The following GTF3C1 variants were observed in gnomAD, a reference collection of about 807,000 sequenced individuals.
The protein encoded by GTF3C1 is general transcription factor 3C polypeptide 1.
A neutral mutation model predicts 226.7 loss-of-function variants in GTF3C1; 57 were observed. The observed-to-expected ratio is 0.25, with a 90% CI of 0.20 to 0.31. GTF3C1 has a LOEUF of 0.31. Among genes scored for constraint, GTF3C1 ranks in the 10% least tolerant of loss-of-function variants. GTF3C1 has a pLI of 1.00. For synonymous variants in GTF3C1, 1,090 were observed against 1,084.8 expected, an observed-to-expected ratio of 1.00 and a Z score of -0.09; for missense variants, 2,217 against 2,776.1, an observed-to-expected ratio of 0.80 and a Z score of 4.53.
chr16:27,488,018 G>C (rs1222633962), intron 23 of GTF3C1, among the ~76,000 whole-genome samples: 1 of 152,132 alleles, frequency 6.6e-6, no homozygotes, highest in Admixed American at 6.5e-5. Context: ...AGAAAGCAGG[G>C]GAAGCATACG....
At chr16:27,530,130 G>A (rs1365001650) in intron 5 of GTF3C1, among the ~76,000 whole-genome samples, 1 of 152,188 alleles carries the variant, frequency 6.6e-6, no homozygotes, top group East Asian at 1.9e-4. Flanking sequence ...TCTGGGGGGA[G>A]AGACAGGGAG....
At chr16:27,486,282 T>C (rs1490394320) in intron 23 of GTF3C1, 128 bp from the exon 24 acceptor site, 3 of 571,420 alleles carry the variant, frequency 5.3e-6, no homozygotes, top group Non-Finnish European at 9.4e-6. Context: ...CAGATACTCA[T>C]TGTATCTAAA....
rs1271758563 is a variant in GTF3C1, at chr16:27,537,866, T to C, written c.670A>G (p.Met224Val). The part of the protein sequence containing the change: ...KILNKNGLIT[M>V]QSHVIRLPTG... ...GGTAATCGGATCACATGGGACTGCATTGTAATCAGCCCGTTTTTGTTCAAA... is the reference window on the plus strand; with the variant it reads ...GGTAATCGGATCACATGGGACTGCACTGTAATCAGCCCGTTTTTGTTCAAA... Residue 224 changes from methionine (M) to valine (V), a missense_variant, in exon 4 of 37, where the codon ATG becomes GTG. By Grantham distance (21) the Met-to-Val change is conservative. Around this residue, in one of 12 missense-constraint regions of GTF3C1, gnomAD observed 163 missense variants for 234.3 expected, o/e 0.70. Coordinates refer to ENST00000356183, the MANE Select transcript of GTF3C1 (RefSeq NM_001520.4). 9 of 1,613,394 alleles carry C rather than the reference T, an allele frequency of 5.6e-6. No individual in the cohort carries two copies. The highest frequency in any genetic ancestry group is 2.2e-5 in the South Asian group (2 of 91,070).
At chr16:27,465,220 C>T in intron 33 of GTF3C1, 40 bp downstream of exon 33, 2 of 1,598,820 alleles carry the variant, frequency 1.3e-6, no homozygotes, top group Non-Finnish European at 1.7e-6. Flanking sequence ...GCTGCAATTT[C>T]CGCTTCGGTG....
chr16:27,477,219 C>T (rs1028245479), intron 28 of GTF3C1, among the ~76,000 whole-genome samples: 1 of 152,198 alleles, frequency 6.6e-6, no homozygotes, highest in African/African-American at 2.4e-5. Flanking sequence ...CTTCCTCTGT[C>T]CCTTCAGACT....
intron 7 of GTF3C1, among the ~76,000 whole-genome samples, chr16:27,509,397 G>A (rs1421605002): frequency 1.3e-5 from 2 of 152,168 alleles, no homozygotes; most frequent in African/African-American, 2.4e-5. Context: ...TGGGCAGGGA[G>A]TCCCAGCAGT....
At position 27,464,340 on chromosome 16, in the gene GTF3C1, T is replaced by C. The variant is rs1338558817; in HGVS notation, c.5852A>G (p.Glu1951Gly). The C allele has an allele frequency of 5.2e-6, 8 of 1,533,988 alleles. 1 individual carries two copies. Among genetic ancestry groups the C allele is most frequent in the Admixed American group, 2.2e-5 (1 of 46,302 alleles). The stretch of plus-strand genomic sequence containing the variant: ...GGTACCTCTGGGGTCTTCAGAGCCC[T>C]CTGGAGGCTGCGCCTGGCCGCTCAG... ...EQLSGQAQPPEGSEDPRGFTE... is the reference protein window; with the variant it reads ...EQLSGQAQPPGGSEDPRGFTE... Residue 1951 changes from glutamate to glycine, a missense_variant, in exon 34 of 37, where the codon GAG (glutamate) becomes GGG (glycine). By Grantham distance (98) the Glu-to-Gly change is moderately conservative. Around this residue, in one of 12 missense-constraint regions of GTF3C1, gnomAD observed 455 missense variants for 441.9 expected, o/e 1.03. Transcript: ENST00000356183.
chr16:27,545,925 T>G (rs2089155604), intron 1 of GTF3C1, among the ~76,000 whole-genome samples: 1 of 152,208 alleles, frequency 6.6e-6, no homozygotes, highest in Non-Finnish European at 1.5e-5. Context: ...CTTGGCTCAC[T>G]GCAACCTCCA....
intron 1 of GTF3C1, among the ~76,000 whole-genome samples, chr16:27,547,390 GC>G (rs2089180195): frequency 6.6e-6 from 1 of 152,118 alleles, no homozygotes; most frequent in Non-Finnish European, 1.5e-5. Flanking sequence ...AGAACCTGAA[GC>G]TAAATGTGTC....
chr16:27,525,493 T>C (rs535307088), intron 6 of GTF3C1, among the ~76,000 whole-genome samples: 19 of 152,372 alleles, frequency 1.2e-4, no homozygotes, highest in African/African-American at 3.8e-4. Context: ...ACCTGTGGTA[T>C]TGTAATTATC....
Position 27,463,466 on chromosome 16 carries a change from C to T in GTF3C1, c.5924+75G>A. ...TACCTGGGGAAAGACCCTCAAAGAC[C>T]CTCACACAAATCCTTACACTCGGTC... On this transcript the variant is annotated intron_variant, in intron 35 of 36. Coordinates refer to ENST00000356183, the MANE Select transcript of GTF3C1 (RefSeq NM_001520.4). This position sits in a 1 kb window ranked among gnomAD's most constrained non-coding sequence, Gnocchi z 4.9. The T allele has an allele frequency of 1.2e-6, 1 of 852,074 alleles. No individual in the cohort carries two copies. Among genetic ancestry groups the T allele is most frequent in the Non-Finnish European group, 2.0e-6 (1 of 498,582 alleles). The allele number at this position is 852,074 out of a possible 1,614,324, so 52.8% of individuals were successfully genotyped here.
rs1418504802 is a variant in GTF3C1, at chr16:27,469,721, T to A, written c.4815-171A>T. On this transcript the variant is annotated intron_variant, in intron 31 of 36. Transcript: ENST00000356183. The surrounding 1 kb of genome is among the most constrained non-coding windows in gnomAD (Gnocchi z 4.5). ...ATGGCTGCCCCAGATCCATCCCCTTTCCCACCTTCCCGTGCACCGCGCTCA... is the reference window on the plus strand; with the variant it reads ...ATGGCTGCCCCAGATCCATCCCCTTACCCACCTTCCCGTGCACCGCGCTCA... Among the ~76,000 whole-genome samples, 1 of 151,994 alleles carries A rather than the reference T, an allele frequency of 6.6e-6. No homozygotes were observed. Among genetic ancestry groups the A allele is most frequent in the African/African-American group, 2.4e-5 (1 of 41,368 alleles).
At chr16:27,481,900 G>A (rs1282419479) in intron 26 of GTF3C1, among the ~76,000 whole-genome samples, 1 of 152,196 alleles carries the variant, frequency 6.6e-6, no homozygotes, top group Non-Finnish European at 1.5e-5. Context: ...GTGGGTGTCT[G>A]TGGGTCACCT....
chr16:27,465,314 C>T lies in GTF3C1; in HGVS notation c.5301G>A (p.Ser1767=), dbSNP rs146967760. 3.5e-5 allele frequency: 57 copies of T among 1,614,096 alleles called. No individual in the cohort carries two copies. In the African/African-American group the frequency reaches 6.3e-4, roughly 18 times the overall value. The part of the protein sequence containing the change: ...IDKEELRRRF[S]ALEKAGGGRT... The stretch of plus-strand genomic sequence containing the variant: ...GCCCACCACCTGCCTTCTCCAAGGC[C>T]GAGAACCGTCTGCGCAGCTCCTCCT... The change falls in exon 33 of 37, where the codon TCG becomes TCA. Residue 1767 remains serine (S), a synonymous_variant. Coordinates refer to ENST00000356183, the MANE Select transcript of GTF3C1 (RefSeq NM_001520.4).
At chr16:27,504,994 G>A (rs568309784) in intron 10 of GTF3C1, among the ~76,000 whole-genome samples, 18 of 152,086 alleles carry the variant, frequency 1.2e-4, no homozygotes, top group African/African-American at 3.9e-4. Flanking sequence ...AAAGCCACCC[G>A]AGACCATGCA....
intron 29 of GTF3C1, among the ~76,000 whole-genome samples, chr16:27,475,248 A>G (rs232056): frequency 0.23 from 34,355 of 152,108 alleles, 4,688 homozygotes; most frequent in African/African-American, 0.39. Flanking sequence ...AGTCTCTGAG[A>G]ATAGGGCTTG....
In GTF3C1 at chr16:27,502,924, C is replaced by T. The variant is rs2088428892; in HGVS notation, c.1842G>A (p.Leu614=). ...GQDKPHETYR[L]LKRRNLIIEA... is the part of the protein sequence containing the mutation. ...CTATGATCAGATTCCTGCGTTTCAGCAGTCGGTAAGTTTCGTGTGGTTTGT... is the reference window on the plus strand; with the variant it reads ...CTATGATCAGATTCCTGCGTTTCAGTAGTCGGTAAGTTTCGTGTGGTTTGT... The change falls in exon 11 of 37, where the codon CTG becomes CTA. Residue 614 remains leucine (L), a synonymous_variant. Coordinates refer to ENST00000356183, the MANE Select transcript of GTF3C1 (RefSeq NM_001520.4). 6.2e-7 allele frequency: 1 copy of T among 1,613,478 alleles called. No individual in the cohort carries two copies. Among genetic ancestry groups the T allele is most frequent in the Non-Finnish European group, 8.5e-7 (1 of 1,179,698 alleles).
chr16:27,545,247 G>C (rs2089146013), intron 2 of GTF3C1, 67 bp downstream of exon 2: 1 of 1,127,030 alleles, frequency 8.9e-7, no homozygotes, highest in Non-Finnish European at 1.4e-6. Flanking sequence ...AAAGTGCTGG[G>C]ATTACAGGCG....
At chr16:27,481,357 G>A (rs568743572) in intron 26 of GTF3C1, among the ~76,000 whole-genome samples, 166 bp from the exon 27 acceptor site, 1 of 152,196 alleles carries the variant, frequency 6.6e-6, no homozygotes, top group South Asian at 2.1e-4. Context: ...CCTGTCATCT[G>A]AGAAGCTCGG....
Sources: gnomAD v4.1 joint callset for allele counts (sites outside exome capture counted in the v4.1 genomes callset) on GRCh38, gnomAD v4.1.1 for gene constraint, gnomAD v4.1.1 regional missense constraint, Gnocchi (gnomAD v3.1) non-coding constraint, MANE v1.5 for transcripts, NCBI Gene and HGNC (gene_info 2026-07-23, HGNC 2026-07-21) for gene names.